Variants in ALLC observed in about 807,000 individuals in gnomAD.
The protein encoded by ALLC is probable inactive allantoicase.
In ALLC, 40 loss-of-function variants were observed where a neutral mutation model predicts 45.0. The ratio of observed to expected loss-of-function variants is 0.89; its 90% confidence interval spans 0.69 to 1.16. The LOEUF (loss-of-function observed/expected upper bound fraction) is 1.16. Among genes scored for constraint, ALLC ranks in the 50% most tolerant of loss-of-function variants. ALLC has a pLI of 0.00. For missense variants in ALLC, 488 were observed against 493.1 expected (o/e 0.99, Z 0.10); for synonymous variants, 176 against 178.1 (o/e 0.99, Z 0.09).
chr2:3,683,991 T>C (rs145318442), intron 7 of ALLC, among the ~76,000 whole-genome samples: 1 of 152,186 alleles, frequency 6.6e-6, no homozygotes, highest in Non-Finnish European at 1.5e-5. Flanking sequence ...TGTTTACCCG[T>C]TCATTAGTTG....
chr2:3,647,270 G>A, the ALLC span, among the ~76,000 whole-genome samples: 2 of 151,906 alleles, frequency 1.3e-5, no homozygotes, highest in Non-Finnish European at 2.9e-5. Context: ...CTAGTTGAGG[G>A]TCAGTCTTTC....
upstream of ALLC, among the ~76,000 whole-genome samples, chr2:3,657,000 G>T (rs527245856): frequency 6.6e-6 from 1 of 152,222 alleles, no homozygotes; most frequent in Non-Finnish European, 1.5e-5. Flanking sequence ...CTGCTGTGGC[G>T]GGGAAGTCAC....
At chr2:3,660,609 C>T (rs1383473901) in intron 1 of ALLC, among the ~76,000 whole-genome samples, 1 of 152,036 alleles carries the variant, frequency 6.6e-6, no homozygotes, top group Non-Finnish European at 1.5e-5. Flanking sequence ...GGAGCAATGG[C>T]GCACACCTGG....
At chr2:3,674,744 A>G (rs73140822) in intron 3 of ALLC, among the ~76,000 whole-genome samples, 1,969 of 152,328 alleles carry the variant, frequency 0.013, 28 homozygotes, top group African/African-American at 0.045. Flanking sequence ...AGCAAGCTGA[A>G]GTATGGCCCT....
At position 3,681,706 on chromosome 2, in the gene ALLC, TTG is replaced by T. The variant is rs761789359; in HGVS notation, c.372_373del (p.Ala125Ter). 1.9e-5 allele frequency: 31 copies of T among 1,608,588 alleles called. No homozygotes were observed. The highest frequency in any genetic ancestry group is 2.6e-5 in the Non-Finnish European group (31 of 1,177,172). On this transcript the variant is annotated frameshift_variant, in exon 6 of 12. Transcript: ENST00000252505. LOFTEE classifies it high-confidence loss of function. ...GCCACTCCTGAGGAGTTTGAAGCCA[TTG>T]CTGAGGTACATCTCCCCCAAATGAA...
At chr2:3,655,929 T>TGCCCTGTGCTTCTGCTGGAGCGCG (rs1558530786), upstream of ALLC, among the ~76,000 whole-genome samples, 120 of 152,284 alleles carry the variant, frequency 7.9e-4, no homozygotes, top group African/African-American at 2.9e-3. Flanking sequence ...GCTGGAGCGC[T>TGCCCTGTGCTTCTGCTGGAGCGCG]GCAAAGCCTG....
intron 10 of ALLC, among the ~76,000 whole-genome samples, chr2:3,699,371 A>G (rs1430216197): frequency 1.3e-5 from 2 of 152,138 alleles, no homozygotes; most frequent in Non-Finnish European, 1.5e-5. Flanking sequence ...TCCATGTTGT[A>G]TATGTATCAT....
chr2:3,665,563 G>A (rs534334865), intron 1 of ALLC, among the ~76,000 whole-genome samples: 33 of 152,318 alleles, frequency 2.2e-4, no homozygotes, highest in African/African-American at 6.5e-4. Context: ...AACATGTGGT[G>A]TTTGGTTTTC....
At chr2:3,660,630 G>T (rs998750761) in intron 1 of ALLC, among the ~76,000 whole-genome samples, 1 of 151,108 alleles carries the variant, frequency 6.6e-6, no homozygotes, top group African/African-American at 2.5e-5. Flanking sequence ...ACAAGGGAGG[G>T]GACGGGGTTC....
At chr2:3,651,305 T>TG in the ALLC span, among the ~76,000 whole-genome samples, 7 of 23,362 alleles carry the variant, frequency 3.0e-4, 1 homozygote, top group South Asian at 1.7e-3. Context: ...TTTGGGTGGG[T>TG]GGGTGGGTGG....
chr2:3,701,244 C>A (rs576886760), intron 10 of ALLC, among the ~76,000 whole-genome samples: 1 of 152,302 alleles, frequency 6.6e-6, no homozygotes, highest in African/African-American at 2.4e-5. Context: ...GAACGCTATA[C>A]ATGCAAATTG....
upstream of ALLC, among the ~76,000 whole-genome samples, chr2:3,654,966 C>T (rs1319334634): frequency 6.6e-6 from 1 of 152,238 alleles, no homozygotes; most frequent in African/African-American, 2.4e-5. Flanking sequence ...CCGTGACCTC[C>T]CTGTGTCTGT....
intron 1 of ALLC, among the ~76,000 whole-genome samples, chr2:3,662,217 G>T (rs147890783): frequency 2.8e-3 from 431 of 152,332 alleles, no homozygotes; most frequent in African/African-American, 9.8e-3. Context: ...CACCCAGATC[G>T]TCCAGAATTA....
chr2:3,663,035 C>A (rs1450806121), intron 1 of ALLC, among the ~76,000 whole-genome samples: 1 of 152,030 alleles, frequency 6.6e-6, no homozygotes, highest in East Asian at 1.9e-4. Flanking sequence ...GTGGTTTTAG[C>A]GGCAGAAATA....
chr2:3,677,959 G>A (rs1667069455), intron 3 of ALLC, among the ~76,000 whole-genome samples: 1 of 152,216 alleles, frequency 6.6e-6, no homozygotes, highest in South Asian at 2.1e-4. Flanking sequence ...GAAGAAGTGT[G>A]CTCAGCTGTC....
chr2:3,694,599 TA>T (rs1296489328), intron 7 of ALLC: 3 of 152,244 alleles, frequency 2.0e-5, no homozygotes, highest in Non-Finnish European at 4.4e-5. Flanking sequence ...CCAATTATAA[TA>T]TTTAATGAAC....
chr2:3,667,927 GC>G (rs1274146759), intron 1 of ALLC, among the ~76,000 whole-genome samples: 1 of 152,158 alleles, frequency 6.6e-6, no homozygotes, highest in African/African-American at 2.4e-5. Context: ...ACCATGCCTG[GC>G]TAATCTTTGT....
intron 8 of ALLC, 100 bp downstream of exon 8, chr2:3,695,972 C>G: frequency 8.2e-7 from 1 of 1,225,792 alleles, no homozygotes; most frequent in Non-Finnish European, 1.1e-6. Flanking sequence ...AGGCACATCT[C>G]AAAGCACAGC....
At chr2:3,668,733 G>A (rs1456766957) in intron 1 of ALLC, among the ~76,000 whole-genome samples, 1 of 151,468 alleles carries the variant, frequency 6.6e-6, no homozygotes, top group Non-Finnish European at 1.5e-5. Context: ...CTGCCACCAC[G>A]CCTGGCTGAT....
Sources: allele counts gnomAD v4.1 joint callset (sites outside exome capture counted in the v4.1 genomes callset), GRCh38; gene constraint gnomAD v4.1.1; transcripts MANE v1.5; gene names NCBI Gene and HGNC (gene_info 2026-07-23, HGNC 2026-07-21).